CAPS2: variants seen among roughly 807,000 people sequenced by gnomAD.
CAPS2 encodes calcyphosin-2.
CAPS2 carries 98 observed loss-of-function variants against 86.5 expected under a neutral mutation model. The ratio of observed to expected loss-of-function variants is 1.13; its 90% CI spans 0.96 to 1.34. The LOEUF is 1.34. Among genes scored for constraint, CAPS2 ranks in the 40% most tolerant of loss-of-function variants. The probability of loss-of-function intolerance (pLI) is 0.00; values close to 1 mark genes in which losing one functional copy is unlikely to be tolerated. For missense variants in CAPS2, 729 were observed against 686.8 expected (o/e 1.06, Z -0.69); for synonymous variants, 210 against 225.1 (o/e 0.93, Z 0.60).
At position 75,312,760 on chromosome 12, in the gene CAPS2, A is replaced by G. The variant is rs1473733303; in HGVS notation, c.659+88T>C. 1.0e-5 allele frequency: 8 copies of G among 802,934 alleles called. No homozygotes were observed. The South Asian group carries it at 1.2e-4, about 12-fold the overall frequency. The allele number at this position is 802,934 out of a possible 1,614,324, so 49.7% of individuals were successfully genotyped here. A position where few individuals can be genotyped will look rare whatever the true frequency, so the allele number is the denominator to read the frequency against. ...GAACCTCTGAGTTAGCCACCCTTTA[A>G]TTGACCAAGGATATGAATGTCATGC... is the stretch of plus-strand genomic sequence containing the variant. On this transcript the variant is annotated intron_variant, in intron 7 of 16. Transcript: ENST00000393284.
chr12:75,360,208 C>T (rs934143046), intron 1 of CAPS2: 10 of 152,104 alleles, frequency 6.6e-5, no homozygotes, highest in African/African-American at 2.4e-4. Flanking sequence ...CAGAGCCAAA[C>T]CCTATCATTC....
upstream of CAPS2, among the ~76,000 whole-genome samples, chr12:75,332,948 T>C (rs1401199062): frequency 6.6e-6 from 1 of 152,200 alleles, no homozygotes; most frequent in Non-Finnish European, 1.5e-5. Context: ...TAAAGAGCAC[T>C]GCAGGCAAAA....
chr12:75,278,130 C>A (rs2033235834), exon 17 of CAPS2: 1 of 925,802 alleles, frequency 1.1e-6, no homozygotes, highest in Admixed American at 6.2e-5. Context: ...TTTCATATTG[C>A]TCAATAACAA....
intron 2 of CAPS2, among the ~76,000 whole-genome samples, chr12:75,324,955 A>T (rs1158392135): frequency 6.6e-6 from 1 of 152,166 alleles, no homozygotes; most frequent in African/African-American, 2.4e-5. Context: ...GAATGCATAT[A>T]GCTGAATTTT....
intron 5 of CAPS2, among the ~76,000 whole-genome samples, chr12:75,320,303 C>T (rs755671321): frequency 2.6e-5 from 4 of 152,176 alleles, no homozygotes; most frequent in Non-Finnish European, 2.9e-5. Flanking sequence ...ATTTTGCTGC[C>T]ACTCAGTAAG....
intron 1 of CAPS2, among the ~76,000 whole-genome samples, chr12:75,379,048 T>C (rs1288477005): frequency 2.0e-5 from 3 of 152,206 alleles, no homozygotes; most frequent in Non-Finnish European, 2.9e-5. Flanking sequence ...GTTATCTTCA[T>C]GTATTTTAAT....
At chr12:75,299,740 C>T (rs11180451) in intron 9 of CAPS2, 97 bp downstream of exon 9, 104,470 of 519,476 alleles carry the variant, frequency 0.2, 11,613 homozygotes, top group South Asian at 0.37. Flanking sequence ...ATTTAAATGA[C>T]ACAAACCTAT....
chr12:75,388,042 T>C (rs769066502), intron 1 of CAPS2, among the ~76,000 whole-genome samples: 1 of 152,204 alleles, frequency 6.6e-6, no homozygotes, highest in Non-Finnish European at 1.5e-5. Flanking sequence ...CACCCAAATC[T>C]TACCCTGAAT....
chr12:75,289,528 A>G, intron 14 of CAPS2, 93 bp downstream of exon 14: 1 of 1,158,728 alleles, frequency 8.6e-7, no homozygotes, highest in Non-Finnish European at 1.2e-6. Flanking sequence ...AGAAGGAGAA[A>G]ATAAATGAAA....
intron 5 of CAPS2, among the ~76,000 whole-genome samples, chr12:75,316,897 T>C (rs778563282): frequency 1.5e-4 from 23 of 152,142 alleles, no homozygotes; most frequent in African/African-American, 5.3e-4. Flanking sequence ...AAAAGATTCT[T>C]TGGGATGCTA....
At chr12:75,359,314 TGTTGTTCA>T (rs58126454) in intron 1 of CAPS2, among the ~76,000 whole-genome samples, 8,087 of 148,748 alleles carry the variant, frequency 0.054, 304 homozygotes, top group African/African-American at 0.099. Flanking sequence ...GCGACATATA[TGTTGTTCA>T]GTTGTTCATG....
At chr12:75,316,392 G>C (rs371121914) in exon 6 of CAPS2, 326 of 1,550,896 alleles carry the variant, frequency 2.1e-4, no homozygotes, top group Non-Finnish European at 2.7e-4. Flanking sequence ...TTCCTATCCA[G>C]AGTCGTAAGG....
intron 1 of CAPS2, among the ~76,000 whole-genome samples, chr12:75,339,444 G>C (rs2041955039): frequency 6.6e-6 from 1 of 151,582 alleles, no homozygotes; most frequent in African/African-American, 2.4e-5. Context: ...TTTTTAATGG[G>C]GTTGTTCTTT....
chr12:75,303,869 T>TG (rs1237015227), intron 8 of CAPS2, among the ~76,000 whole-genome samples: 2 of 152,130 alleles, frequency 1.3e-5, no homozygotes, highest in African/African-American at 4.8e-5. Flanking sequence ...GCCAGAGTGA[T>TG]GCAGCATAAG....
intron 1 of CAPS2, among the ~76,000 whole-genome samples, chr12:75,350,144 A>C (rs2042710567): frequency 6.6e-6 from 1 of 152,200 alleles, no homozygotes. Context: ...CTGCTTCTTT[A>C]AGCGAGACCC....
At chr12:75,310,139 A>C (rs899467240) in intron 7 of CAPS2, among the ~76,000 whole-genome samples, 2 of 152,226 alleles carry the variant, frequency 1.3e-5, no homozygotes, top group Admixed American at 6.5e-5. Flanking sequence ...CTCTGCCCTC[A>C]TGAAGCTCAC....
At chr12:75,301,191 T>C (rs1366588026) in intron 8 of CAPS2, among the ~76,000 whole-genome samples, 3 of 152,244 alleles carry the variant, frequency 2.0e-5, no homozygotes, top group Admixed American at 2.0e-4. Flanking sequence ...AATAATTTAA[T>C]AATATTCCTT....
chr12:75,380,778 C>A (rs1406358960), intron 1 of CAPS2, among the ~76,000 whole-genome samples: 1 of 152,006 alleles, frequency 6.6e-6, no homozygotes, highest in African/African-American at 2.4e-5. Context: ...AATTTTTATT[C>A]CTTGAACTAC....
At chr12:75,384,475 G>A (rs1323991016) in intron 1 of CAPS2, among the ~76,000 whole-genome samples, 1 of 151,970 alleles carries the variant, frequency 6.6e-6, no homozygotes, top group African/African-American at 2.4e-5. Context: ...AATCTGAAGA[G>A]GCCTATTCCT....
Sources: gnomAD v4.1 joint callset for allele counts (sites outside exome capture counted in the v4.1 genomes callset) on GRCh38, gnomAD v4.1.1 for gene constraint, MANE v1.5 for transcripts, NCBI Gene and HGNC (gene_info 2026-07-23, HGNC 2026-07-21) for gene names.